Variants in SUMF1 observed in about 807,000 individuals in gnomAD.
SUMF1 encodes the protein sulfatase modifying factor 1.
Under a neutral mutation model 47.6 loss-of-function variants are expected in SUMF1, and 48 were observed. That is an observed-to-expected ratio of 1.01 (90% CI 0.80 to 1.28). SUMF1 has a LOEUF of 1.28. Ranked by LOEUF, SUMF1 falls within the 50% of genes most tolerant of loss-of-function variation. The probability of loss-of-function intolerance (pLI) is 0.00; values close to 1 mark genes in which losing one functional copy is unlikely to be tolerated. For synonymous variants in SUMF1, 230 were observed against 192.1 expected, an observed-to-expected ratio of 1.20 and a Z score of -1.63; for missense variants, 571 against 485.4, an observed-to-expected ratio of 1.18 and a Z score of -1.66.
chr3:4,382,112 A>G (rs777363373), intron 7 of SUMF1, among the ~76,000 whole-genome samples: 25 of 152,182 alleles, frequency 1.6e-4, no homozygotes, highest in Non-Finnish European at 3.4e-4. Flanking sequence ...ATGAGTATCA[A>G]TGGCTGCTAA....
chr3:4,440,414 G>A (rs1702547260), intron 3 of SUMF1, among the ~76,000 whole-genome samples: 1 of 152,144 alleles, frequency 6.6e-6, no homozygotes, highest in Admixed American at 6.5e-5. Flanking sequence ...ATTTTGGGGA[G>A]TGTGACCTTA....
intron 8 of SUMF1, among the ~76,000 whole-genome samples, chr3:4,208,479 A>AG (rs914916308): frequency 6.6e-6 from 1 of 151,798 alleles, no homozygotes; most frequent in African/African-American, 2.4e-5. Flanking sequence ...CAAAAAAAAA[A>AG]AAAAACTGTG....
chr3:4,068,372 T>C (rs1251735148), intron 9 of SUMF1, among the ~76,000 whole-genome samples: 1 of 152,110 alleles, frequency 6.6e-6, no homozygotes, highest in Non-Finnish European at 1.5e-5. Flanking sequence ...TTATCAAAGT[T>C]TCAAAAATTT....
At chr3:4,347,043 A>C (rs1161453701) in intron 8 of SUMF1, among the ~76,000 whole-genome samples, 2 of 152,232 alleles carry the variant, frequency 1.3e-5, no homozygotes, top group Non-Finnish European at 2.9e-5. Flanking sequence ...AGTAATTAAT[A>C]GCCTACCAAC....
chr3:4,291,181 C>T (rs1005324686), intron 8 of SUMF1, among the ~76,000 whole-genome samples: 4 of 152,136 alleles, frequency 2.6e-5, no homozygotes, highest in African/African-American at 9.7e-5. Flanking sequence ...ATCCTCAAAA[C>T]ATTCAATTGT....
chr3:4,162,927 G>C (rs569678548), intron 8 of SUMF1, among the ~76,000 whole-genome samples: 1 of 151,474 alleles, frequency 6.6e-6, no homozygotes, highest in East Asian at 1.9e-4. Context: ...GGTTTTGAAA[G>C]TAATGAAAGA....
At chr3:4,349,110 AG>A (rs1699433532) in intron 8 of SUMF1, among the ~76,000 whole-genome samples, 1 of 152,370 alleles carries the variant, frequency 6.6e-6, no homozygotes, top group Non-Finnish European at 1.5e-5. Flanking sequence ...CATCTGACAA[AG>A]GTCTAATATC....
At chr3:4,098,375 C>T (rs957896231) in intron 8 of SUMF1, among the ~76,000 whole-genome samples, 1 of 152,132 alleles carries the variant, frequency 6.6e-6, no homozygotes, top group Non-Finnish European at 1.5e-5. Context: ...CACATAGGGA[C>T]ACACAATATT....
intron 9 of SUMF1, among the ~76,000 whole-genome samples, chr3:4,038,064 G>A (rs1010226540): frequency 6.6e-6 from 1 of 152,286 alleles, no homozygotes; most frequent in African/African-American, 2.4e-5. Flanking sequence ...TCCCACTTAA[G>A]AGCTGGCTGT....
chr3:4,422,255 G>A (rs1377075871), intron 3 of SUMF1, among the ~76,000 whole-genome samples: 2 of 152,152 alleles, frequency 1.3e-5, no homozygotes, highest in Non-Finnish European at 2.9e-5. Context: ...GGGAGGAGCT[G>A]CAGTGAAAGC....
In SUMF1 at chr3:4,114,466, G is replaced by A. The variant is rs74979942; in HGVS notation, c.1015-45721C>T. ...AAAGGTTAAGTGTAACTGTTCATAT[G>A]ATTTTTAGAATCCTTAATATGCTGC... is the stretch of plus-strand genomic sequence containing the variant. On this transcript the variant is annotated intron_variant and NMD_transcript_variant, in intron 8 of 12. Transcript: ENST00000448413. 1.7e-3 allele frequency among the ~76,000 whole-genome samples: 264 copies of A among 152,266 alleles called. 6 individuals are homozygous for A. The highest frequency in any genetic ancestry group is 6.1e-3 in the African/African-American group (254 of 41,520).
intron 8 of SUMF1, among the ~76,000 whole-genome samples, chr3:4,350,678 G>A (rs1456786900): frequency 6.6e-6 from 1 of 152,078 alleles, no homozygotes; most frequent in Non-Finnish European, 1.5e-5. Context: ...TAAAGCAGTA[G>A]AAGTTCAGAA....
chr3:4,152,080 G>C (rs1230922764), intron 8 of SUMF1, among the ~76,000 whole-genome samples: 1 of 151,438 alleles, frequency 6.6e-6, no homozygotes, highest in Non-Finnish European at 1.5e-5. Flanking sequence ...CCCGAGACCA[G>C]ACTATGGGCC....
chr3:4,367,741 T>G (rs986643082), intron 8 of SUMF1, among the ~76,000 whole-genome samples: 1 of 152,130 alleles, frequency 6.6e-6, no homozygotes, highest in African/African-American at 2.4e-5. Flanking sequence ...GGGGAAAGGA[T>G]TCCCTATTTA....
chr3:4,298,225 AT>A (rs1342093118), intron 8 of SUMF1, among the ~76,000 whole-genome samples: 5 of 152,340 alleles, frequency 3.3e-5, no homozygotes, highest in Admixed American at 3.3e-4. Flanking sequence ...TGCAGAACAA[AT>A]TCTGAAGATC....
intron 8 of SUMF1, among the ~76,000 whole-genome samples, chr3:4,162,074 C>A (rs957648144): frequency 6.6e-6 from 1 of 152,106 alleles, no homozygotes; most frequent in African/African-American, 2.4e-5. Context: ...AGTTTCCCTT[C>A]TGGTGCAGGG....
chr3:4,132,861 G>C (rs1693824646), intron 8 of SUMF1, among the ~76,000 whole-genome samples: 1 of 152,088 alleles, frequency 6.6e-6, no homozygotes, highest in African/African-American at 2.4e-5. Context: ...AGATCCATTA[G>C]GGCATCTCTT....
chr3:4,214,702 C>T (rs1047170817), intron 8 of SUMF1, among the ~76,000 whole-genome samples: 4 of 151,866 alleles, frequency 2.6e-5, no homozygotes, highest in African/African-American at 7.2e-5. Flanking sequence ...AATAAAAAAT[C>T]ATATAGGGGA....
At chr3:4,339,492 G>A (rs760858394) in intron 8 of SUMF1, among the ~76,000 whole-genome samples, 2 of 152,126 alleles carry the variant, frequency 1.3e-5, no homozygotes, top group Non-Finnish European at 2.9e-5. Flanking sequence ...TGAAGCCAAG[G>A]CAGCTTTTTA....
Sources: gnomAD v4.1 joint callset for allele counts (sites outside exome capture counted in the v4.1 genomes callset) on GRCh38, gnomAD v4.1.1 for gene constraint, MANE v1.5 for transcripts, NCBI Gene and HGNC (gene_info 2026-07-23, HGNC 2026-07-21) for gene names.